The following NRG4 variants were observed in gnomAD, a reference collection of about 807,000 sequenced individuals.
NRG4 encodes the protein neuregulin 4.
Under a neutral mutation model 15.0 loss-of-function variants are expected in NRG4, and 10 were observed. The ratio of observed to expected loss-of-function variants is 0.67; its 90% CI spans 0.41 to 1.13. The LOEUF (loss-of-function observed/expected upper bound fraction) is 1.13, where lower values mean the gene tolerates loss of function less well. Ranked by LOEUF, NRG4 falls within the 50% of genes most tolerant of loss-of-function variation. The pLI, the probability that NRG4 is intolerant of heterozygous loss-of-function variation, is 0.00. For missense variants in NRG4, 139 were observed against 140.2 expected, an observed-to-expected ratio of 0.99 and a Z score of 0.04; for synonymous variants, 41 against 50.1, an observed-to-expected ratio of 0.82 and a Z score of 0.77.
chr15:75,961,959 A>G lies in NRG4; in HGVS notation c.120T>C (p.Tyr40=). The G allele has an allele frequency of 1.2e-6, 2 of 1,612,334 alleles. No individual in the cohort carries two copies. The highest frequency in any genetic ancestry group is 1.7e-6 in the Non-Finnish European group (2 of 1,178,970). Residue 40 remains tyrosine (Y), a synonymous_variant, in exon 4 of 6, where the codon TAT becomes TAC. Coordinates refer to ENST00000394907, the MANE Select transcript of NRG4 (RefSeq NM_138573.4). The part of the protein sequence containing the change: ...PSPFCRCVEN[Y]TGARCEEVFL... ...AAACCTCTTCACAACGAGCTCCTGT[A>G]TAGTTTTCAACGCACCTACAGAATA...
At chr15:75,993,289 TG>T (rs1222589964) in intron 3 of NRG4, among the ~76,000 whole-genome samples, 1 of 149,234 alleles carries the variant, frequency 6.7e-6, no homozygotes, top group Non-Finnish European at 1.5e-5. Context: ...CTTTAAATAT[TG>T]TTTTTTTTTT....
At chr15:75,981,929 A>T (rs2033623686) in intron 3 of NRG4, among the ~76,000 whole-genome samples, 1 of 152,102 alleles carries the variant, frequency 6.6e-6, no homozygotes, top group Non-Finnish European at 1.5e-5. Flanking sequence ...ACTTACAAAA[A>T]AAAAATCACC....
chr15:76,018,207 A>T (rs1481173624), intron 5 of NRG4, among the ~76,000 whole-genome samples: 1 of 152,154 alleles, frequency 6.6e-6, no homozygotes. Flanking sequence ...TAAACTGCTT[A>T]TTCCAGTTAG....
At chr15:75,945,703 C>G (rs549912375) in intron 5 of NRG4, 7 of 152,246 alleles carry the variant, frequency 4.6e-5, no homozygotes, top group African/African-American at 1.7e-4. Context: ...TTAATAATGG[C>G]ATCTCTTTCA....
At chr15:75,954,387 C>T (rs1276900733) in intron 5 of NRG4, among the ~76,000 whole-genome samples, 1 of 150,632 alleles carries the variant, frequency 6.6e-6, no homozygotes, top group Non-Finnish European at 1.5e-5. Context: ...TTTATAATAA[C>T]TGTGCTTGCC....
intron 3 of NRG4, among the ~76,000 whole-genome samples, chr15:75,989,084 C>G (rs2141866846): frequency 6.6e-6 from 1 of 152,126 alleles, no homozygotes; most frequent in African/African-American, 2.4e-5. Context: ...TCTTGAACAC[C>G]TGAGCTCAAG....
chr15:76,044,532 G>A (rs2035822961), intron 4 of NRG4, among the ~76,000 whole-genome samples: 2 of 150,348 alleles, frequency 1.3e-5, no homozygotes, highest in African/African-American at 5.0e-5. Flanking sequence ...GGACATTGGA[G>A]TGGGCAAAGA....
At chr15:76,050,561 G>A (rs1286857548) in intron 4 of NRG4, among the ~76,000 whole-genome samples, 2 of 141,800 alleles carry the variant, frequency 1.4e-5, no homozygotes, top group Non-Finnish European at 3.0e-5. Context: ...CTCCCAAGTA[G>A]CTGGGATTAC....
At chr15:76,011,918 C>T (rs1748138985) in intron 1 of NRG4, 1 of 152,064 alleles carries the variant, frequency 6.6e-6, no homozygotes, top group Non-Finnish European at 1.5e-5. Flanking sequence ...TCTGGCAAAG[C>T]AATGTAGCTA....
At chr15:75,984,452 C>A (rs1335117557) in intron 3 of NRG4, among the ~76,000 whole-genome samples, 1 of 152,098 alleles carries the variant, frequency 6.6e-6, no homozygotes, top group Non-Finnish European at 1.5e-5. Context: ...GAACACTACA[C>A]AACCATAAAA....
intron 3 of NRG4, among the ~76,000 whole-genome samples, chr15:75,970,549 G>A (rs2033043115): frequency 6.6e-6 from 1 of 152,224 alleles, no homozygotes; most frequent in African/African-American, 2.4e-5. Flanking sequence ...GGCAGTTACT[G>A]GTTGGGAATG....
intron 5 of NRG4, among the ~76,000 whole-genome samples, chr15:76,024,725 C>T (rs1439249583): frequency 1.3e-5 from 2 of 152,204 alleles, no homozygotes; most frequent in African/African-American, 2.4e-5. Context: ...CCACCACTGC[C>T]AAACTCTCTC....
chr15:76,007,581 C>T, intron 3 of NRG4, among the ~76,000 whole-genome samples: 1 of 152,000 alleles, frequency 6.6e-6, no homozygotes, highest in East Asian at 1.9e-4. Context: ...AGGCGCCCAC[C>T]ATCATGCCCA....
chr15:75,959,839 G>C, intron 4 of NRG4, among the ~76,000 whole-genome samples: 1 of 152,150 alleles, frequency 6.6e-6, no homozygotes, highest in Non-Finnish European at 1.5e-5. Flanking sequence ...AGTTATGTCA[G>C]TAGTGATGTG....
upstream of NRG4, among the ~76,000 whole-genome samples, chr15:76,016,934 T>G (rs1031502113): frequency 2.6e-5 from 4 of 152,126 alleles, no homozygotes; most frequent in Admixed American, 6.6e-5. Context: ...GTGTTAAAGT[T>G]TCCCACTATT....
chr15:75,962,593 T>G (rs538522405), intron 3 of NRG4, among the ~76,000 whole-genome samples: 1 of 152,304 alleles, frequency 6.6e-6, no homozygotes, highest in East Asian at 1.9e-4. Flanking sequence ...TATAGAATTT[T>G]AAAAATATTC....
chr15:76,018,542 G>A (rs943382677), intron 5 of NRG4, among the ~76,000 whole-genome samples: 3 of 152,062 alleles, frequency 2.0e-5, no homozygotes, highest in South Asian at 2.1e-4. Context: ...ATGTTGATGC[G>A]ATTCCTTTCT....
chr15:75,998,311 G>C (rs2034285141), intron 3 of NRG4, among the ~76,000 whole-genome samples: 5 of 152,186 alleles, frequency 3.3e-5, no homozygotes, highest in Admixed American at 3.3e-4. Flanking sequence ...TGGTAAGAGA[G>C]GAAGAGAGGG....
At chr15:75,987,090 C>A (rs2141862539) in intron 3 of NRG4, among the ~76,000 whole-genome samples, 1 of 152,204 alleles carries the variant, frequency 6.6e-6, no homozygotes, top group East Asian at 1.9e-4. Context: ...TAAAGCAATC[C>A]CTAGGCCCCC....
Sources: allele counts gnomAD v4.1 joint callset (sites outside exome capture counted in the v4.1 genomes callset), GRCh38; gene constraint gnomAD v4.1.1; transcripts MANE v1.5; gene names NCBI Gene and HGNC (gene_info 2026-07-23, HGNC 2026-07-21).